APPL1: variants seen among roughly 807,000 people sequenced by gnomAD.
APPL1 encodes DCC-interacting protein 13-alpha.
A neutral mutation model predicts 106.8 loss-of-function variants in APPL1; 42 were observed. That is an observed-to-expected ratio of 0.39 (90% confidence interval 0.31 to 0.51). The LOEUF is 0.51. Among genes scored for constraint, APPL1 ranks in the 20% least tolerant of loss-of-function variants. The pLI, the probability that APPL1 is intolerant of heterozygous loss-of-function variation, is 0.75. For synonymous variants in APPL1, 263 were observed against 281.8 expected, an observed-to-expected ratio of 0.93 and a Z score of 0.67; for missense variants, 769 against 858.2, an observed-to-expected ratio of 0.90 and a Z score of 1.30.
chr3:57,272,327 G>C lies in APPL1; in HGVS notation c.*2640G>C, dbSNP rs1417517441. On this transcript the variant is annotated 3_prime_UTR_variant, in exon 22 of 22. Coordinates refer to ENST00000288266, the MANE Select transcript of APPL1 (RefSeq NM_012096.3). ...ATCTTGAACAGAGTCCCTAAAGCTA[G>C]TCTAGTTTTTGCCACATCTGCAATG... 1 of 152,112 alleles carries C rather than the reference G, an allele frequency of 6.6e-6. No individual in the cohort carries two copies. The highest frequency in any genetic ancestry group is 1.9e-4 in the East Asian group (1 of 5,188). The allele number at this position is 152,112 out of a possible 1,614,324, so 9.4% of individuals were successfully genotyped here.
At chr3:57,250,869 G>A (rs1375091278) in intron 11 of APPL1, among the ~76,000 whole-genome samples, 3 of 142,154 alleles carry the variant, frequency 2.1e-5, no homozygotes, top group African/African-American at 5.1e-5. Context: ...GTGCAGTGGC[G>A]CGATCTCGGC....
In APPL1 at chr3:57,235,647, CG is replaced by C; in HGVS notation, c.138del (p.Ile47PhefsTer8). 6.2e-7 allele frequency: 1 copy of C among 1,612,538 alleles called. No individual in the cohort carries two copies. Among genetic ancestry groups the C allele is most frequent in the Non-Finnish European group, 8.5e-7 (1 of 1,179,060 alleles). On this transcript the variant is annotated frameshift_variant, in exon 2 of 22. Transcript: ENST00000288266. LOFTEE classifies it high-confidence loss of function. ...YMNQLYQAMH[R>X]IYDAQNELSA... Reference sequence around the variant, plus strand: ...GAACCAGTTGTATCAAGCTATGCATCGGATTTATGATGCACAGGTAAAACAC... The same window carrying C: ...GAACCAGTTGTATCAAGCTATGCATCGATTTATGATGCACAGGTAAAACAC...
chr3:57,256,680 A>G (rs907896775), intron 13 of APPL1, among the ~76,000 whole-genome samples: 3 of 152,244 alleles, frequency 2.0e-5, no homozygotes, highest in Admixed American at 1.3e-4. Context: ...AAAAATTTAA[A>G]GTGTGCAACA....
intron 2 of APPL1, among the ~76,000 whole-genome samples, chr3:57,235,924 C>T (rs1404111518): frequency 6.6e-6 from 1 of 152,154 alleles, no homozygotes; most frequent in Non-Finnish European, 1.5e-5. Context: ...TTGGGGGGAA[C>T]CCCCCATTAA....
At chr3:57,229,131 C>CA (rs2060671106) in intron 1 of APPL1, among the ~76,000 whole-genome samples, 2 of 152,196 alleles carry the variant, frequency 1.3e-5, no homozygotes, top group South Asian at 4.1e-4. Context: ...AAGAGAAACT[C>CA]ACATTTGGTT....
rs1414490831 is a variant in APPL1, at chr3:57,240,535, A to G, written c.356A>G (p.Lys119Arg). The G allele has an allele frequency of 1.2e-6, 2 of 1,613,672 alleles. No homozygotes were observed. Among genetic ancestry groups the G allele is most frequent in the South Asian group, 1.1e-5 (1 of 91,060 alleles). ...ATGATGTTCCCCATTACCCAGTTTA[A>G]AGAAAGAGATCTGAAAGGTATTGAA... ...DAMMFPITQF[K>R]ERDLKEILTL... The change falls in exon 5 of 22, where the codon AAA (lysine) becomes AGA (arginine). Residue 119 changes from lysine (K) to arginine (R), a missense_variant. By Grantham distance (26) the Lys-to-Arg change is conservative. Coordinates refer to ENST00000288266, the MANE Select transcript of APPL1 (RefSeq NM_012096.3).
chr3:57,258,985 T>C, intron 15 of APPL1, 43 bp from the exon 16 acceptor site: 1 of 1,466,560 alleles, frequency 6.8e-7, no homozygotes, highest in Non-Finnish European at 9.5e-7. Context: ...ATGTGGCTCA[T>C]GGTAACTGAC....
chr3:57,238,011 T>G, intron 3 of APPL1, 34 bp from the exon 4 acceptor site: 1 of 1,534,796 alleles, frequency 6.5e-7, no homozygotes, highest in Non-Finnish European at 8.9e-7. Context: ...GACACAGCAT[T>G]GAAACTTTAC....
intron 19 of APPL1, among the ~76,000 whole-genome samples, chr3:57,261,542 G>A (rs146614104): frequency 9.9e-5 from 15 of 151,992 alleles, no homozygotes; most frequent in African/African-American, 2.2e-4. Flanking sequence ...TTTTTGAGAC[G>A]GAGTTTCACT....
intron 19 of APPL1, among the ~76,000 whole-genome samples, chr3:57,266,534 T>G (rs887193270): frequency 6.6e-6 from 1 of 152,206 alleles, no homozygotes; most frequent in Non-Finnish European, 1.5e-5. Flanking sequence ...CAGTATCAAT[T>G]GTAATGTCAC....
rs147671748 is a variant in APPL1, at chr3:57,235,865, C to T, written c.153+201C>T. 1.2e-3 allele frequency among the ~76,000 whole-genome samples: 184 copies of T among 152,252 alleles called. 1 individual carries two copies. The highest frequency in any genetic ancestry group is 4.2e-3 in the African/African-American group (174 of 41,544). ...TACTAGTGTACAGTTTGTAGTACTACAAAAGTGATAGACGATTGAAGCATC... is the reference window on the plus strand; with the variant it reads ...TACTAGTGTACAGTTTGTAGTACTATAAAAGTGATAGACGATTGAAGCATC... On this transcript the variant is annotated intron_variant, in intron 2 of 21. Coordinates refer to ENST00000288266, the MANE Select transcript of APPL1 (RefSeq NM_012096.3).
intron 1 of APPL1, among the ~76,000 whole-genome samples, chr3:57,233,009 A>C (rs1399310920): frequency 2.0e-5 from 3 of 152,124 alleles, no homozygotes; most frequent in East Asian, 3.9e-4. Context: ...CTCAAAAAAA[A>C]CCAAAAAACA....
At chr3:57,248,096 T>C in intron 9 of APPL1, 97 bp from the exon 10 acceptor site, 1 of 1,323,690 alleles carries the variant, frequency 7.6e-7, no homozygotes, top group Non-Finnish European at 1.0e-6. Flanking sequence ...TTCCTCTCTT[T>C]AAGAAAACAT....
chr3:57,232,345 A>G (rs1051736093), intron 1 of APPL1, among the ~76,000 whole-genome samples: 2 of 152,188 alleles, frequency 1.3e-5, no homozygotes, highest in Admixed American at 1.3e-4. Flanking sequence ...TTGATGGTAT[A>G]TTAACAATTG....
intron 1 of APPL1, among the ~76,000 whole-genome samples, chr3:57,234,447 G>A (rs2060705382): frequency 6.6e-6 from 1 of 151,252 alleles, no homozygotes; most frequent in Non-Finnish European, 1.5e-5. Flanking sequence ...GCAGGGGCCC[G>A]CCACCATGCC....
At position 57,228,558 on chromosome 3, in the gene APPL1, C is replaced by G. The variant is rs2060666597; in HGVS notation, c.54+621C>G. ...GGGATGGACGGTGCCTTCGCCGCTC[C>G]GCGACTGCTGCGCTGCTCCCTGCAG... On this transcript the variant is annotated intron_variant, in intron 1 of 21. Coordinates refer to ENST00000288266, the MANE Select transcript of APPL1 (RefSeq NM_012096.3). This position sits in a 1 kb window ranked among gnomAD's most constrained non-coding sequence, Gnocchi z 4.6. Among the ~76,000 whole-genome samples, 1 of 152,230 alleles carries G rather than the reference C, an allele frequency of 6.6e-6. No individual in the cohort carries two copies. Among genetic ancestry groups the G allele is most frequent in the Admixed American group, 6.5e-5 (1 of 15,282 alleles).
At chr3:57,237,583 T>C (rs2060723214) in intron 3 of APPL1, 32 bp downstream of exon 3, 1 of 1,464,506 alleles carries the variant, frequency 6.8e-7, no homozygotes, top group African/African-American at 1.4e-5. Context: ...AAAGCATAAT[T>C]TTAAAAGTAT....
chr3:57,259,095 C>T lies in APPL1; in HGVS notation c.1483+15C>T. 1 of 1,602,792 alleles carries T rather than the reference C, an allele frequency of 6.2e-7. No individual in the cohort carries two copies. Among genetic ancestry groups the T allele is most frequent in the South Asian group, 1.1e-5 (1 of 89,918 alleles). ...TGAAACTGAAGGTAAGACAGATGTGCAGCATTCATATATTTTAGAACTGCT... is the reference window on the plus strand; with the variant it reads ...TGAAACTGAAGGTAAGACAGATGTGTAGCATTCATATATTTTAGAACTGCT... On this transcript the variant is annotated intron_variant, in intron 16 of 21. Transcript: ENST00000288266.
chr3:57,246,602 T>C (rs2060774983), intron 8 of APPL1, among the ~76,000 whole-genome samples: 1 of 152,102 alleles, frequency 6.6e-6, no homozygotes, highest in Non-Finnish European at 1.5e-5. Flanking sequence ...CTTCCTGAGT[T>C]AAAAATAATA....
Sources: allele counts gnomAD v4.1 joint callset (sites outside exome capture counted in the v4.1 genomes callset), GRCh38; gene constraint gnomAD v4.1.1; non-coding constraint Gnocchi (gnomAD v3.1); transcripts MANE v1.5; gene names NCBI Gene and HGNC (gene_info 2026-07-23, HGNC 2026-07-21).